The following CHSY3 variants were observed in gnomAD, a reference collection of about 807,000 sequenced individuals.
CHSY3 encodes the protein chondroitin sulfate synthase 3.
CHSY3 carries 35 observed loss-of-function variants against 67.2 expected under a neutral mutation model. The observed-to-expected ratio is 0.52, with a 90% confidence interval of 0.40 to 0.69. CHSY3 has a LOEUF of 0.69. Ranked by LOEUF, CHSY3 falls within the 30% of genes least tolerant of loss-of-function variation. The pLI, the probability that CHSY3 is intolerant of heterozygous loss-of-function variation, is 0.00. For synonymous variants in CHSY3, 474 were observed against 434.7 expected (o/e 1.09, Z -1.12); for missense variants, 1,069 against 1,138.5 (o/e 0.94, Z 0.88).
In CHSY3 at chr5:129,965,757, G is replaced by C. The variant is rs576807375; in HGVS notation, c.1086+57397G>C. Among the ~76,000 whole-genome samples, 4 of 151,922 alleles carry C rather than the reference G, an allele frequency of 2.6e-5. No homozygotes were observed. The South Asian group carries it at 8.3e-4, about 31-fold the overall frequency. On this transcript the variant is annotated intron_variant, in intron 2 of 2. Coordinates refer to ENST00000305031, the MANE Select transcript of CHSY3 (RefSeq NM_175856.5). Reference sequence around the variant, plus strand: ...TCAGTAATTATTCTTTGCAGCAATAGGAAAGAAATTGTAGAGATGTCTCAT... The same window carrying C: ...TCAGTAATTATTCTTTGCAGCAATACGAAAGAAATTGTAGAGATGTCTCAT...
intron 2 of CHSY3, among the ~76,000 whole-genome samples, chr5:129,984,637 C>G (rs1037345846): frequency 1.3e-5 from 2 of 152,088 alleles, no homozygotes; most frequent in African/African-American, 4.8e-5. Flanking sequence ...TTTACATTAC[C>G]CCAGAACTGT....
chr5:130,090,750 T>C (rs556303104), intron 2 of CHSY3, among the ~76,000 whole-genome samples: 1 of 152,266 alleles, frequency 6.6e-6, no homozygotes, highest in East Asian at 1.9e-4. Flanking sequence ...GTTAAGACTG[T>C]CTTGCCCATT....
intron 2 of CHSY3, among the ~76,000 whole-genome samples, chr5:129,972,636 G>A (rs1212852288): frequency 1.3e-5 from 2 of 151,588 alleles, no homozygotes; most frequent in Non-Finnish European, 2.9e-5. Flanking sequence ...TGTGGTCTGT[G>A]TGTGTCTTCA....
chr5:130,147,870 C>G (rs1165207859), intron 2 of CHSY3, among the ~76,000 whole-genome samples: 1 of 152,110 alleles, frequency 6.6e-6, no homozygotes, highest in East Asian at 1.9e-4. Flanking sequence ...TTTTTAACCT[C>G]AAGTTTAAGG....
chr5:130,181,693 A>G (rs1770248983), intron 2 of CHSY3, among the ~76,000 whole-genome samples: 1 of 152,160 alleles, frequency 6.6e-6, no homozygotes, highest in Non-Finnish European at 1.5e-5. Context: ...AGCACTCCAG[A>G]AGCTTCCCTC....
At chr5:130,118,827 T>G (rs1055672169) in intron 2 of CHSY3, among the ~76,000 whole-genome samples, 3 of 152,076 alleles carry the variant, frequency 2.0e-5, no homozygotes, top group African/African-American at 7.2e-5. Flanking sequence ...GTATCCCAGG[T>G]GTGTCATTAA....
At chr5:129,965,479 T>G (rs1762444774) in intron 2 of CHSY3, among the ~76,000 whole-genome samples, 1 of 151,978 alleles carries the variant, frequency 6.6e-6, no homozygotes, top group Non-Finnish European at 1.5e-5. Context: ...CATAGTTCAC[T>G]TTGTGGACTC....
intron 2 of CHSY3, chr5:130,141,515 A>T (rs1256689654): frequency 2.6e-6 from 1 of 385,152 alleles, no homozygotes; most frequent in East Asian, 6.1e-5. Flanking sequence ...GTAAAGGAGA[A>T]CAAAGTTATT....
intron 2 of CHSY3, among the ~76,000 whole-genome samples, chr5:130,077,776 G>A (rs1297657714): frequency 6.6e-6 from 1 of 151,204 alleles, no homozygotes; most frequent in Non-Finnish European, 1.5e-5. Flanking sequence ...AAACCTACTT[G>A]TAGTTCTGAC....
intron 2 of CHSY3, among the ~76,000 whole-genome samples, chr5:129,932,281 T>C (rs942055892): frequency 2.0e-5 from 3 of 151,712 alleles, no homozygotes; most frequent in African/African-American, 7.3e-5. Flanking sequence ...GGAGTTGATG[T>C]TGGGGCTCAA....
chr5:129,993,546 TG>T (rs1272682014), intron 2 of CHSY3, among the ~76,000 whole-genome samples: 1 of 152,182 alleles, frequency 6.6e-6, no homozygotes, highest in East Asian at 1.9e-4. Context: ...GCCTTTTTTT[TG>T]TTTTCCATTT....
At chr5:130,078,170 C>A (rs1017881691) in intron 2 of CHSY3, among the ~76,000 whole-genome samples, 6 of 152,020 alleles carry the variant, frequency 3.9e-5, no homozygotes, top group Admixed American at 2.0e-4. Context: ...TCCCAGGTTC[C>A]AAATACACCA....
At chr5:129,913,115 C>CT (rs1276842824) in intron 2 of CHSY3, among the ~76,000 whole-genome samples, 2 of 152,192 alleles carry the variant, frequency 1.3e-5, no homozygotes, top group African/African-American at 2.4e-5. Context: ...CTCTTAAACA[C>CT]TGTTTGGCAC....
rs542891649 is a variant in CHSY3 at position 130,101,392 on chromosome 5, T to C, written c.1087-82837T>C. On this transcript the variant is annotated intron_variant, in intron 2 of 2. Transcript: ENST00000305031. ...TCAGAAACATCACAAAGCACAAGTT[T>C]TTTCTAAAAAATTACCAAAAAGATA... is the stretch of plus-strand genomic sequence containing the variant. Among the ~76,000 whole-genome samples, 40 of 152,254 alleles carry C rather than the reference T, an allele frequency of 2.6e-4. 2 individuals carry two copies. In the South Asian group the frequency reaches 4.8e-3, roughly 18 times the overall value.
chr5:129,930,604 G>T (rs888819383), intron 2 of CHSY3, among the ~76,000 whole-genome samples: 1 of 151,516 alleles, frequency 6.6e-6, no homozygotes, highest in Non-Finnish European at 1.5e-5. Context: ...ATGATGCCCT[G>T]AGGGGAGGAC....
At position 130,183,215 on chromosome 5, in the gene CHSY3, G is replaced by A. The variant is rs534740472; in HGVS notation, c.1087-1014G>A. Among the ~76,000 whole-genome samples, 38 of 151,810 alleles carry A rather than the reference G, an allele frequency of 2.5e-4. No homozygotes were observed. The East Asian group carries it at 2.9e-3, about 12-fold the overall frequency. On this transcript the variant is annotated intron_variant, in intron 2 of 2. Transcript: ENST00000305031. ...GGCAGAAAAGGAAGAATCAGCTGGCGGTTTGAACTTTGTCCTCATAACTAC... is the reference window on the plus strand; with the variant it reads ...GGCAGAAAAGGAAGAATCAGCTGGCAGTTTGAACTTTGTCCTCATAACTAC...
chr5:130,146,470 G>A (rs542571529), intron 2 of CHSY3, among the ~76,000 whole-genome samples: 2 of 152,096 alleles, frequency 1.3e-5, no homozygotes, highest in African/African-American at 4.8e-5. Context: ...GGAGATGAAG[G>A]GGGAGAGGCT....
chr5:129,944,415 A>C (rs1215537873), intron 2 of CHSY3, among the ~76,000 whole-genome samples: 1 of 151,052 alleles, frequency 6.6e-6, no homozygotes, highest in Non-Finnish European at 1.5e-5. Flanking sequence ...TTTGAGTTGG[A>C]GTTTCGCTCT....
At chr5:129,994,791 G>A (rs1013736882) in intron 2 of CHSY3, among the ~76,000 whole-genome samples, 1 of 150,750 alleles carries the variant, frequency 6.6e-6, no homozygotes. Context: ...GCAAACTATC[G>A]CAAGGACAAA....
Sources: gnomAD v4.1 joint callset for allele counts (sites outside exome capture counted in the v4.1 genomes callset) on GRCh38, gnomAD v4.1.1 for gene constraint, MANE v1.5 for transcripts, NCBI Gene and HGNC (gene_info 2026-07-23, HGNC 2026-07-21) for gene names.